The following CCDC73 variants were observed in gnomAD, a reference collection of about 807,000 sequenced individuals.
The protein encoded by CCDC73 is coiled-coil domain-containing protein 73.
In CCDC73, 95 loss-of-function variants were observed where a neutral mutation model predicts 116.5. The observed-to-expected ratio is 0.82, with a 90% CI of 0.69 to 0.97. The LOEUF (loss-of-function observed/expected upper bound fraction) is 0.97, where lower values mean the gene tolerates loss of function less well. CCDC73 is among the 50% of genes least tolerant of loss of function. The pLI, the probability that CCDC73 is intolerant of heterozygous loss-of-function variation, is 0.00. For synonymous variants in CCDC73, 398 were observed against 401.3 expected, an observed-to-expected ratio of 0.99 and a Z score of 0.10; for missense variants, 1,066 against 1,206.8, an observed-to-expected ratio of 0.88 and a Z score of 1.73.
the CCDC73 span, among the ~76,000 whole-genome samples, chr11:32,814,255 G>A: frequency 1.5e-4 from 23 of 152,318 alleles, no homozygotes; most frequent in African/African-American, 5.5e-4. Flanking sequence ...TCAGGTGTAA[G>A]ACAGTGGAAG....
At chr11:32,825,446 A>G in the CCDC73 span, among the ~76,000 whole-genome samples, 1 of 151,768 alleles carries the variant, frequency 6.6e-6, no homozygotes, top group Non-Finnish European at 1.5e-5. Flanking sequence ...AGGATTACAG[A>G]CATGCACCAC....
At chr11:32,699,887 T>A (rs1345176485) in intron 5 of CCDC73, among the ~76,000 whole-genome samples, 4,019 of 148,168 alleles carry the variant, frequency 0.027, 149 homozygotes, top group African/African-American at 0.087. Flanking sequence ...AAAATATATA[T>A]ATATATATAT....
the CCDC73 span, among the ~76,000 whole-genome samples, chr11:32,819,122 A>G: frequency 6.6e-6 from 1 of 151,066 alleles, no homozygotes. Flanking sequence ...ATTCATTCTT[A>G]TGTCCCCCAG....
chr11:32,804,179 C>T, the CCDC73 span, among the ~76,000 whole-genome samples: 1 of 148,248 alleles, frequency 6.7e-6, no homozygotes, highest in Admixed American at 6.7e-5. Context: ...CACTCTGTTG[C>T]CCAGGCTGGA....
chr11:32,818,759 G>C, the CCDC73 span, among the ~76,000 whole-genome samples: 1 of 152,216 alleles, frequency 6.6e-6, no homozygotes, highest in East Asian at 1.9e-4. Flanking sequence ...ATGCTATAAT[G>C]CACGTATGTT....
chr11:32,682,500 T>TAAA (rs1856155828), intron 7 of CCDC73: 1 of 151,982 alleles, frequency 6.6e-6, no homozygotes, highest in Non-Finnish European at 1.5e-5. Flanking sequence ...AGCAAAATAC[T>TAAA]TTATGTTTTT....
At chr11:32,737,336 C>A (rs1850142747) in intron 2 of CCDC73, among the ~76,000 whole-genome samples, 1 of 150,076 alleles carries the variant, frequency 6.7e-6, no homozygotes, top group South Asian at 2.1e-4. Context: ...CACATCAGGG[C>A]CAGGCACAGT....
chr11:32,819,457 G>A, the CCDC73 span, among the ~76,000 whole-genome samples: 132,297 of 151,414 alleles, frequency 0.87, 57,924 homozygotes, highest in East Asian at 0.99. Context: ...GCTAATTAAA[G>A]CAATAAGAGG....
At chr11:32,647,060 T>G (rs931992269) in intron 12 of CCDC73, among the ~76,000 whole-genome samples, 9 of 152,314 alleles carry the variant, frequency 5.9e-5, no homozygotes, top group Admixed American at 4.6e-4. Context: ...TTATCCTATT[T>G]GTTTTGTCTG....
intron 1 of CCDC73, among the ~76,000 whole-genome samples, chr11:32,771,052 G>A (rs1850489235): frequency 6.6e-6 from 1 of 152,148 alleles, no homozygotes; most frequent in South Asian, 2.1e-4. Context: ...ACATGCCCAA[G>A]GTAGGAGAAA....
chr11:32,630,079 C>A (rs535694792), intron 14 of CCDC73, among the ~76,000 whole-genome samples: 34 of 152,066 alleles, frequency 2.2e-4, no homozygotes, highest in Middle Eastern at 3.4e-3. Flanking sequence ...TTTTAATTTT[C>A]TTTGTCAGAT....
At chr11:32,618,343 A>C (rs2133224926) in intron 14 of CCDC73, among the ~76,000 whole-genome samples, 1 of 152,278 alleles carries the variant, frequency 6.6e-6, no homozygotes, top group South Asian at 2.1e-4. Context: ...TGAACATAAA[A>C]GTACATGTGT....
chr11:32,787,813 A>T (rs1850641008), intron 1 of CCDC73, among the ~76,000 whole-genome samples: 1 of 152,212 alleles, frequency 6.6e-6, no homozygotes, highest in African/African-American at 2.4e-5. Context: ...ATCTAAAAAC[A>T]TATAAACATG....
At chr11:32,639,906 ACTAT>A (rs1176739435) in intron 13 of CCDC73, among the ~76,000 whole-genome samples, 2 of 152,252 alleles carry the variant, frequency 1.3e-5, no homozygotes, top group Admixed American at 6.5e-5. Context: ...TTTTAAATAT[ACTAT>A]CTAATAATAT....
At chr11:32,641,821 A>T in intron 13 of CCDC73, 151 bp downstream of exon 13, 2 of 535,900 alleles carry the variant, frequency 3.7e-6, no homozygotes, top group Non-Finnish European at 5.6e-6. Context: ...TTTAAAAAGC[A>T]TTCACCTTTT....
At chr11:32,738,319 A>G (rs952959218) in intron 2 of CCDC73, among the ~76,000 whole-genome samples, 1 of 152,186 alleles carries the variant, frequency 6.6e-6, no homozygotes, top group African/African-American at 2.4e-5. Flanking sequence ...CATTTCCACC[A>G]ACAGTGTATG....
chr11:32,671,716 CTTGAACT>C (rs1187829259), intron 9 of CCDC73, among the ~76,000 whole-genome samples: 3 of 152,176 alleles, frequency 2.0e-5, no homozygotes, highest in African/African-American at 7.2e-5. Flanking sequence ...CTTTCAGTTA[CTTGAACT>C]TTGAAGTCGC....
intron 2 of CCDC73, 28 bp downstream of exon 2, chr11:32,760,081 A>T (rs1440999643): frequency 9.0e-6 from 14 of 1,563,446 alleles, no homozygotes; most frequent in African/African-American, 1.4e-5. Context: ...TTTCTTATTT[A>T]ACAAAAGCAT....
chr11:32,652,347 CAAAAG>C (rs555140244), intron 12 of CCDC73, among the ~76,000 whole-genome samples: 4,354 of 149,618 alleles, frequency 0.029, 79 homozygotes, highest in Non-Finnish European at 0.039. Context: ...CAAAACAAAA[CAAAAG>C]AAAAGAAATA....
Sources: gnomAD v4.1 joint callset for allele counts (sites outside exome capture counted in the v4.1 genomes callset) on GRCh38, gnomAD v4.1.1 for gene constraint, MANE v1.5 for transcripts, NCBI Gene and HGNC (gene_info 2026-07-23, HGNC 2026-07-21) for gene names.